The following CATSPERT variants were observed in gnomAD, a reference collection of about 807,000 sequenced individuals.
CATSPERT encodes the protein catsper channel auxiliary subunit tau.
chr2:201,606,771 C>T, the CATSPERT span, among the ~76,000 whole-genome samples: 30 of 152,116 alleles, frequency 2.0e-4, no homozygotes, highest in African/African-American at 7.0e-4. Flanking sequence ...TGGTGGTGCA[C>T]ACCTGTAATT....
chr2:201,586,226 A>G, the CATSPERT span, among the ~76,000 whole-genome samples: 1 of 152,208 alleles, frequency 6.6e-6, no homozygotes, highest in African/African-American at 2.4e-5. Context: ...TCTAGTCAAC[A>G]GTAGACTATT....
chr2:201,548,765 A>G, the CATSPERT span, among the ~76,000 whole-genome samples: 1 of 152,150 alleles, frequency 6.6e-6, no homozygotes, highest in Non-Finnish European at 1.5e-5. Flanking sequence ...AATCTCATTC[A>G]TGAATATAGA....
the CATSPERT span, among the ~76,000 whole-genome samples, chr2:201,499,501 C>T: frequency 6.6e-6 from 1 of 152,094 alleles, no homozygotes; most frequent in Non-Finnish European, 1.5e-5. Context: ...CTTTCCATAA[C>T]TAATCCAGCA....
the CATSPERT span, chr2:201,618,915 C>T: frequency 1.9e-6 from 3 of 1,613,746 alleles, no homozygotes; most frequent in Non-Finnish European, 2.5e-6. Flanking sequence ...GCAGCCGGTG[C>T]CCGGTGCCCT....
the CATSPERT span, among the ~76,000 whole-genome samples, chr2:201,504,272 G>T: frequency 6.6e-6 from 1 of 152,164 alleles, no homozygotes; most frequent in Non-Finnish European, 1.5e-5. Flanking sequence ...CTGCCTTCAG[G>T]CAGTAAACTA....
the CATSPERT span, among the ~76,000 whole-genome samples, chr2:201,502,508 G>T: frequency 6.6e-6 from 1 of 150,800 alleles, no homozygotes; most frequent in Non-Finnish European, 1.5e-5. Context: ...GGAGGTGGAG[G>T]TTGTGGTGAG....
the CATSPERT span, among the ~76,000 whole-genome samples, chr2:201,533,169 A>C: frequency 6.6e-6 from 1 of 152,176 alleles, no homozygotes; most frequent in South Asian, 2.1e-4. Context: ...AGCCCACAAA[A>C]TCTTTAAGAG....
At chr2:201,533,002 T>C in the CATSPERT span, among the ~76,000 whole-genome samples, 73 of 152,308 alleles carry the variant, frequency 4.8e-4, no homozygotes, top group Non-Finnish European at 8.5e-4. Context: ...TTAAGTGGCA[T>C]CTCAGGCCTT....
the CATSPERT span, among the ~76,000 whole-genome samples, chr2:201,585,410 A>G: frequency 6.7e-6 from 1 of 150,078 alleles, no homozygotes; most frequent in Non-Finnish European, 1.5e-5. Context: ...AGAACAAGAA[A>G]AAAAAAAAAA....
chr2:201,609,948 T>C, the CATSPERT span, among the ~76,000 whole-genome samples: 1 of 151,808 alleles, frequency 6.6e-6, no homozygotes, highest in Non-Finnish European at 1.5e-5. Context: ...GAACCTCAAA[T>C]AAACAAACTC....
At chr2:201,550,065 A>G in the CATSPERT span, 1 of 152,190 alleles carries the variant, frequency 6.6e-6, no homozygotes, top group African/African-American at 2.4e-5. Context: ...CTACTTATGG[A>G]AATGTCAATT....
the CATSPERT span, among the ~76,000 whole-genome samples, chr2:201,560,805 CAG>C: frequency 6.7e-6 from 1 of 149,370 alleles, no homozygotes; most frequent in South Asian, 2.1e-4. Context: ...TTTTTTGAGA[CAG>C]AGTCTTGTTC....
chr2:201,505,086 T>C, the CATSPERT span, among the ~76,000 whole-genome samples: 1 of 152,106 alleles, frequency 6.6e-6, no homozygotes, highest in Non-Finnish European at 1.5e-5. Flanking sequence ...GCTCCCCAAA[T>C]GGTTCACTTT....
At chr2:201,568,996 G>A in the CATSPERT span, among the ~76,000 whole-genome samples, 1 of 152,140 alleles carries the variant, frequency 6.6e-6, no homozygotes, top group East Asian at 1.9e-4. Flanking sequence ...ACTCATTGAT[G>A]GATCACAGTG....
At chr2:201,547,592 T>C in the CATSPERT span, 1 of 1,508,410 alleles carries the variant, frequency 6.6e-7, no homozygotes, top group Non-Finnish European at 9.0e-7. Context: ...TTCTATATTC[T>C]TTTTTCATCT....
At chr2:201,563,045 G>A in the CATSPERT span, among the ~76,000 whole-genome samples, 14 of 151,306 alleles carry the variant, frequency 9.3e-5, no homozygotes, top group Admixed American at 7.2e-4. Context: ...CCTCCCAGAC[G>A]GGGTGGTGGC....
the CATSPERT span, among the ~76,000 whole-genome samples, chr2:201,551,450 G>A: frequency 6.6e-6 from 1 of 152,080 alleles, no homozygotes; most frequent in Non-Finnish European, 1.5e-5. Context: ...CATGCACATA[G>A]AGATTATACA....
At chr2:201,561,893 G>GA in the CATSPERT span, among the ~76,000 whole-genome samples, 302 of 141,484 alleles carry the variant, frequency 2.1e-3, 3 homozygotes, top group African/African-American at 6.6e-3. Context: ...GAAAGAAAAG[G>GA]AAAAAAAAAA....
At chr2:201,556,474 C>T in the CATSPERT span, among the ~76,000 whole-genome samples, 1 of 150,550 alleles carries the variant, frequency 6.6e-6, no homozygotes, top group South Asian at 2.1e-4. Flanking sequence ...ACGCCATTGA[C>T]TCCAGCCTGG....
Sources: allele counts gnomAD v4.1 joint callset (sites outside exome capture counted in the v4.1 genomes callset), GRCh38; gene constraint gnomAD v4.1.1; transcripts MANE v1.5; gene names NCBI Gene and HGNC (gene_info 2026-07-23, HGNC 2026-07-21).